KCNQ3: variants seen among roughly 807,000 people sequenced by gnomAD.
KCNQ3 encodes the protein potassium voltage-gated channel subfamily Q member 3.
A neutral mutation model predicts 92.5 loss-of-function variants in KCNQ3; 30 were observed. That is an observed-to-expected ratio of 0.32 (90% confidence interval 0.24 to 0.44). The LOEUF (loss-of-function observed/expected upper bound fraction) is 0.44, where lower values mean the gene tolerates loss of function less well. Ranked by LOEUF, KCNQ3 falls within the 20% of genes least tolerant of loss-of-function variation. The probability of loss-of-function intolerance (pLI) is 1.00; values close to 1 mark genes in which losing one functional copy is unlikely to be tolerated. For synonymous variants in KCNQ3, 450 were observed against 468.8 expected (o/e 0.96, Z 0.52); for missense variants, 913 against 1,140.3 (o/e 0.80, Z 2.87).
intron 1 of KCNQ3, among the ~76,000 whole-genome samples, chr8:132,460,570 GC>G (rs1822039491): frequency 6.6e-6 from 1 of 152,070 alleles, no homozygotes; most frequent in Non-Finnish European, 1.5e-5. Flanking sequence ...TACGTACTAG[GC>G]CTTTTGTTTT....
At chr8:132,365,853 A>C (rs755546800) in intron 1 of KCNQ3, among the ~76,000 whole-genome samples, 1 of 152,120 alleles carries the variant, frequency 6.6e-6, no homozygotes, top group Non-Finnish European at 1.5e-5. Context: ...AACATGGCGA[A>C]ACCCTGTCTC....
chr8:132,449,762 T>C (rs1821778896), intron 1 of KCNQ3, among the ~76,000 whole-genome samples: 1 of 152,114 alleles, frequency 6.6e-6, no homozygotes, highest in South Asian at 2.1e-4. Flanking sequence ...AGCTGGGGGC[T>C]ACATGTGGGA....
At chr8:132,184,170 C>G in intron 3 of KCNQ3, 71 bp downstream of exon 3, 1 of 1,603,878 alleles carries the variant, frequency 6.2e-7, no homozygotes, top group East Asian at 2.2e-5. Flanking sequence ...GCTGCTTAAA[C>G]TTTTCTCAGA....
At chr8:132,169,538 C>T (rs1826249321) in intron 8 of KCNQ3, among the ~76,000 whole-genome samples, 1 of 152,216 alleles carries the variant, frequency 6.6e-6, no homozygotes, top group Admixed American at 6.5e-5. Flanking sequence ...TTCCTGCTGT[C>T]CTCTTCCGCA....
At chr8:132,302,347 A>G (rs144069891) in intron 1 of KCNQ3, among the ~76,000 whole-genome samples, 5 of 152,328 alleles carry the variant, frequency 3.3e-5, no homozygotes, top group African/African-American at 1.2e-4. Context: ...CAGAGCTTTC[A>G]TTTTCATGGT....
chr8:132,293,182 A>G (rs1051171402), intron 1 of KCNQ3, among the ~76,000 whole-genome samples: 4 of 152,208 alleles, frequency 2.6e-5, no homozygotes, highest in African/African-American at 9.6e-5. Context: ...TATCCATATA[A>G]TAAACTGTAA....
intron 1 of KCNQ3, among the ~76,000 whole-genome samples, chr8:132,340,443 G>A (rs1002159715): frequency 6.0e-4 from 92 of 152,210 alleles, no homozygotes; most frequent in Non-Finnish European, 8.8e-5. Context: ...AAAAAAGAAT[G>A]AGTTCATTTC....
chr8:132,298,209 T>G (rs1272484488), intron 1 of KCNQ3, among the ~76,000 whole-genome samples: 1 of 152,134 alleles, frequency 6.6e-6, no homozygotes, highest in East Asian at 1.9e-4. Flanking sequence ...AACATGAGAC[T>G]CTTGAGTGTT....
intron 1 of KCNQ3, among the ~76,000 whole-genome samples, chr8:132,224,079 C>CTTT (rs1334898354): frequency 3.7e-4 from 20 of 54,150 alleles, no homozygotes; most frequent in African/African-American, 1.0e-3. Context: ...TCATGCCAGG[C>CTTT]TATTTTTTTT....
At chr8:132,266,615 T>C (rs1187227428) in intron 1 of KCNQ3, among the ~76,000 whole-genome samples, 1 of 152,160 alleles carries the variant, frequency 6.6e-6, no homozygotes, top group Non-Finnish European at 1.5e-5. Flanking sequence ...CTCCCCACTC[T>C]TTCCCCTTCA....
At chr8:132,311,720 C>T (rs775791011) in intron 1 of KCNQ3, among the ~76,000 whole-genome samples, 1 of 152,174 alleles carries the variant, frequency 6.6e-6, no homozygotes, top group Non-Finnish European at 1.5e-5. Context: ...GTCAAAGGAA[C>T]TGAACTGAGG....
chr8:132,164,583 G>A (rs563532707), intron 8 of KCNQ3, among the ~76,000 whole-genome samples: 9 of 152,142 alleles, frequency 5.9e-5, no homozygotes, highest in Middle Eastern at 3.4e-3. Flanking sequence ...CCATTTCCCC[G>A]CGAGCACAAT....
chr8:132,236,823 C>T (rs1045558476), intron 1 of KCNQ3, among the ~76,000 whole-genome samples: 1 of 152,204 alleles, frequency 6.6e-6, no homozygotes, highest in African/African-American at 2.4e-5. Flanking sequence ...AAAGATTTGA[C>T]ACAAGTGAAG....
chr8:132,419,644 G>A (rs923058783), intron 1 of KCNQ3, among the ~76,000 whole-genome samples: 1 of 152,150 alleles, frequency 6.6e-6, no homozygotes, highest in African/African-American at 2.4e-5. Flanking sequence ...AGAAAAATGA[G>A]AACTGTTTTC....
chr8:132,408,903 G>C (rs1465476549), intron 1 of KCNQ3, among the ~76,000 whole-genome samples: 1 of 152,166 alleles, frequency 6.6e-6, no homozygotes, highest in African/African-American at 2.4e-5. Context: ...AGAGGACCCT[G>C]AGCCTCAGAT....
chr8:132,230,236 A>C (rs1048501214), intron 1 of KCNQ3, among the ~76,000 whole-genome samples: 5 of 152,166 alleles, frequency 3.3e-5, no homozygotes, highest in African/African-American at 1.2e-4. Flanking sequence ...TGGAAGCTGC[A>C]AAGTCCTCAT....
chr8:132,388,253 G>T (rs1221606012), intron 1 of KCNQ3, among the ~76,000 whole-genome samples: 1 of 152,050 alleles, frequency 6.6e-6, no homozygotes, highest in African/African-American at 2.4e-5. Context: ...ATTTTAAATG[G>T]ACTTAAATTT....
chr8:132,343,027 C>G (rs978750032), intron 1 of KCNQ3, among the ~76,000 whole-genome samples: 1 of 152,212 alleles, frequency 6.6e-6, no homozygotes, highest in African/African-American at 2.4e-5. Flanking sequence ...TTCCTGCAAG[C>G]TGATGCCTCT....
At position 132,172,236 on chromosome 8, in the gene KCNQ3, G is replaced by A. The variant is rs191864375; in HGVS notation, c.1140+362C>T. On this transcript the variant is annotated intron_variant, in intron 7 of 14. Coordinates refer to ENST00000388996, the MANE Select transcript of KCNQ3 (RefSeq NM_004519.4). ...GCTGATAGGTTGGTCCTTGAGTTCT[G>A]TGTCTATTTCTTTCTTGGCTTAGAA... 1.2e-4 allele frequency among the ~76,000 whole-genome samples: 18 copies of A among 152,164 alleles called. 1 individual carries two copies. In the East Asian group the frequency reaches 2.9e-3, roughly 25 times the overall value.
Sources: gnomAD v4.1 joint callset for allele counts (sites outside exome capture counted in the v4.1 genomes callset) on GRCh38, gnomAD v4.1.1 for gene constraint, MANE v1.5 for transcripts, NCBI Gene and HGNC (gene_info 2026-07-23, HGNC 2026-07-21) for gene names.